The following NTRK1 variants were observed in gnomAD, a reference collection of about 807,000 sequenced individuals.
NTRK1 encodes high affinity nerve growth factor receptor.
A neutral mutation model predicts 86.8 loss-of-function variants in NTRK1; 62 were observed. The ratio of observed to expected loss-of-function variants is 0.71; its 90% CI spans 0.58 to 0.88. The LOEUF (loss-of-function observed/expected upper bound fraction) is 0.88, where lower values mean the gene tolerates loss of function less well. NTRK1 is among the 40% of genes least tolerant of loss of function. The probability of loss-of-function intolerance (pLI) is 0.00; values close to 1 mark genes in which losing one functional copy is unlikely to be tolerated. For synonymous variants in NTRK1, 469 were observed against 456.6 expected (o/e 1.03, Z -0.35); for missense variants, 967 against 1,078.4 (o/e 0.90, Z 1.45).
intron 14 of NTRK1, among the ~76,000 whole-genome samples, chr1:156,878,912 C>T (rs1424051888): frequency 1.3e-5 from 2 of 152,178 alleles, no homozygotes; most frequent in Non-Finnish European, 2.9e-5. Context: ...GAACCATGGG[C>T]TGTCTCTGGT....
intron 16 of NTRK1, 190 bp downstream of exon 16, chr1:156,880,347 C>T (rs966034007): frequency 1.5e-6 from 1 of 653,890 alleles, no homozygotes; most frequent in Non-Finnish European, 2.6e-6. Context: ...TTATTCTTGC[C>T]TTCACCTACT....
intron 11 of NTRK1, 42 bp downstream of exon 11, chr1:156,875,050 C>G: frequency 7.0e-7 from 1 of 1,435,392 alleles, no homozygotes; most frequent in Non-Finnish European, 9.8e-7. Context: ...GTCTGTTCTC[C>G]TGGCTTTGTT....
intron 1 of NTRK1, among the ~76,000 whole-genome samples, chr1:156,835,698 T>C (rs903118114): frequency 2.0e-5 from 3 of 152,242 alleles, no homozygotes; most frequent in Non-Finnish European, 4.4e-5. Context: ...AATGTACTTC[T>C]GCAGTATCTT....
intron 2 of NTRK1, chr1:156,842,260 C>A: frequency 1.2e-6 from 2 of 1,613,914 alleles, no homozygotes; most frequent in Non-Finnish European, 1.7e-6. Context: ...GCTGTGGGAG[C>A]CCAGGGTTGT....
Position 156,854,004 on chromosome 1 carries a change from G to A in NTRK1, c.51-10350G>A, listed in dbSNP as rs202006235. ...CCACGCAGCACGGCCCCAAGTGCAG[G>A]CAGTGCCACGTCACGCAGATGTGGC... On this transcript the variant is annotated intron_variant, in intron 2 of 16. Transcript: ENST00000392302. The surrounding 1 kb of genome is among the most constrained non-coding windows in gnomAD (Gnocchi z 4.2). 11 of 1,613,794 alleles carry A rather than the reference G, an allele frequency of 6.8e-6. No homozygotes were observed. The highest frequency in any genetic ancestry group is 1.6e-4 in the Middle Eastern group (1 of 6,062).
chr1:156,846,778 C>CT (rs1558087207), intron 2 of NTRK1: 1 of 1,591,186 alleles, frequency 6.3e-7, no homozygotes, highest in South Asian at 1.1e-5. Context: ...ATCCCCAGAG[C>CT]TGAGGGGTCA....
intron 16 of NTRK1, 98 bp from the exon 17 acceptor site, chr1:156,881,359 G>T: frequency 8.2e-7 from 1 of 1,223,038 alleles, no homozygotes; most frequent in Non-Finnish European, 1.1e-6. Context: ...CGAGTAGTGT[G>T]AGCTGCCTTG....
chr1:156,872,768 C>G (rs1374022183), intron 7 of NTRK1, among the ~76,000 whole-genome samples: 1 of 151,480 alleles, frequency 6.6e-6, no homozygotes, highest in African/African-American at 2.4e-5. Flanking sequence ...CTCCGCCTCC[C>G]AGGTTCACGT....
intron 1 of NTRK1, chr1:156,816,738 AGG>A: frequency 6.3e-7 from 1 of 1,584,138 alleles, no homozygotes; most frequent in Non-Finnish European, 8.6e-7. Flanking sequence ...ATCCCAGAGC[AGG>A]GTGTGTGTAT....
chr1:156,869,650 G>C (rs1336318132), intron 6 of NTRK1, among the ~76,000 whole-genome samples: 2 of 152,212 alleles, frequency 1.3e-5, no homozygotes, highest in Admixed American at 1.3e-4. Context: ...AGGTGGACAT[G>C]ATGGCCTTCT....
Position 156,864,358 on chromosome 1 carries a change from A to C in NTRK1, c.217A>C (p.Ile73Leu). The C allele has an allele frequency of 1.2e-6, 2 of 1,614,188 alleles. No individual in the cohort carries two copies. Among genetic ancestry groups the C allele is most frequent in the Non-Finnish European group, 1.7e-6 (2 of 1,180,014 alleles). Residue 73 changes from isoleucine to leucine, a missense_variant, in exon 2 of 17, where the codon ATC becomes CTC. By Grantham distance (5) the Ile-to-Leu change is conservative. This residue lies in a region of NTRK1 where 330 missense variants were observed against 302.0 expected (regional missense o/e 1.09). Coordinates refer to ENST00000524377, the MANE Select transcript of NTRK1 (RefSeq NM_002529.4). Reference protein sequence around the residue: ...PGAENLTELYIENQQHLQHLE... With the variant: ...PGAENLTELYLENQQHLQHLE... ...TCCCATCCGCTCTCCCCACAGCTACATCGAGAACCAGCAGCATCTGCAGCA... is the reference window on the plus strand; with the variant it reads ...TCCCATCCGCTCTCCCCACAGCTACCTCGAGAACCAGCAGCATCTGCAGCA...
At position 156,879,493 on chromosome 1, in the gene NTRK1, A is replaced by G. The variant is rs577266021; in HGVS notation, c.2046+131A>G. ...TGAGATTCACTGGCTCTGGTTTTCA[A>G]CCTACCTCCTCGGCTCCTGGTGGAG... is the stretch of plus-strand genomic sequence containing the variant. On this transcript the variant is annotated intron_variant, in intron 15 of 16. Transcript: ENST00000524377. The G allele has an allele frequency of 5.7e-6, 7 of 1,232,576 alleles. No individual in the cohort carries two copies. The South Asian group carries it at 6.3e-5, about 11-fold the overall frequency. The allele number at this position is 1,232,576 out of a possible 1,614,324, so 76.4% of individuals were successfully genotyped here.
upstream of NTRK1, among the ~76,000 whole-genome samples, chr1:156,860,032 A>G (rs926245959): frequency 6.6e-6 from 1 of 152,240 alleles, no homozygotes. Context: ...CGAGGAGCTA[A>G]GAGAAGATCT....
intron 2 of NTRK1, chr1:156,844,856 G>T (rs374436617): frequency 3.3e-5 from 54 of 1,613,492 alleles, no homozygotes; most frequent in South Asian, 7.7e-5. Context: ...GCGGGAAGGG[G>T]CATCCAGCAG....
intron 1 of NTRK1, among the ~76,000 whole-genome samples, chr1:156,816,368 G>T (rs1483878876): frequency 2.0e-5 from 3 of 152,158 alleles, no homozygotes; most frequent in African/African-American, 7.2e-5. Flanking sequence ...GGTCAGGGAG[G>T]CAGATCACTT....
chr1:156,881,523 G>A lies in NTRK1; in HGVS notation c.2272G>A (p.Ala758Thr), dbSNP rs62640939. The part of the protein sequence containing the change: ...RPRACPPEVY[A>T]IMRGCWQREP... ...ACGTGCCTGCCCACCAGAGGTCTAC[G>A]CCATCATGCGGGGCTGCTGGCAGCG... Residue 758 changes from alanine (A) to threonine (T), a missense_variant, in exon 17 of 17, where the codon GCC (alanine) becomes ACC (threonine). By Grantham distance (58) the Ala-to-Thr change is moderately conservative. Transcript: ENST00000524377. The A allele has an allele frequency of 9.5e-4, 1,528 of 1,601,278 alleles. 12 individuals carry two copies. In the African/African-American group the frequency reaches 0.019, roughly 20 times the overall value.
intron 1 of NTRK1, chr1:156,816,798 C>T: frequency 8.0e-7 from 1 of 1,253,504 alleles, no homozygotes; most frequent in Non-Finnish European, 1.1e-6. Context: ...TCTCTCCTCT[C>T]ACCCTGGCCC....
In NTRK1 at chr1:156,862,104, G is replaced by A. The variant is rs535393648; in HGVS notation, c.212+958G>A. Among the ~76,000 whole-genome samples, 17 of 152,334 alleles carry A rather than the reference G, an allele frequency of 1.1e-4. No homozygotes were observed. The East Asian group carries it at 3.1e-3, about 28-fold the overall frequency. On this transcript the variant is annotated intron_variant, in intron 1 of 16. Transcript: ENST00000524377. ...CTCCTCCTGTGGCCTGGGGTTTCGA[G>A]GGTGGACAAGGAACCTTGGCCTTGT...
chr1:156,844,348 CT>C (rs1571658950), intron 2 of NTRK1: 2 of 1,555,526 alleles, frequency 1.3e-6, no homozygotes, highest in East Asian at 4.5e-5. Flanking sequence ...TCATGCTTCT[CT>C]TTCCATGCTG....
Sources: gnomAD v4.1 joint callset for allele counts (sites outside exome capture counted in the v4.1 genomes callset) on GRCh38, gnomAD v4.1.1 for gene constraint, gnomAD v4.1.1 regional missense constraint, Gnocchi (gnomAD v3.1) non-coding constraint, MANE v1.5 for transcripts, NCBI Gene and HGNC (gene_info 2026-07-23, HGNC 2026-07-21) for gene names.